The following SLC25A26 variants were observed in gnomAD, a reference collection of about 807,000 sequenced individuals.
SLC25A26 encodes the protein solute carrier family 25 member 26.
A neutral mutation model predicts 37.8 loss-of-function variants in SLC25A26; 36 were observed. That is an observed-to-expected ratio of 0.95 (90% CI 0.73 to 1.26). The LOEUF (loss-of-function observed/expected upper bound fraction) is 1.26, where lower values mean the gene tolerates loss of function less well. Ranked by LOEUF, SLC25A26 falls within the 50% of genes most tolerant of loss-of-function variation. SLC25A26 has a pLI of 0.00. For synonymous variants in SLC25A26, 129 were observed against 122.5 expected (o/e 1.05, Z -0.35); for missense variants, 390 against 331.1 (o/e 1.18, Z -1.38).
At chr3:66,374,272 TTGTGTC>T (rs1405024530) in intron 9 of SLC25A26, among the ~76,000 whole-genome samples, 3 of 152,228 alleles carry the variant, frequency 2.0e-5, no homozygotes, top group Admixed American at 6.5e-5. Context: ...CATGATGACT[TTGTGTC>T]TGTGTCACAT....
At chr3:66,168,711 T>C (rs1343792823) in intron 1 of SLC25A26, among the ~76,000 whole-genome samples, 4 of 152,196 alleles carry the variant, frequency 2.6e-5, no homozygotes, top group Admixed American at 6.5e-5. Context: ...GATGGGTGCA[T>C]GTAAGCTTCC....
At chr3:66,308,262 A>T (rs988655631) in intron 5 of SLC25A26, among the ~76,000 whole-genome samples, 26 of 152,084 alleles carry the variant, frequency 1.7e-4, no homozygotes, top group South Asian at 4.1e-4. Flanking sequence ...TCTTTGTAGC[A>T]GTTGTGAATG....
At position 66,175,109 on chromosome 3, in the gene SLC25A26, GTA is replaced by G. The variant is rs769631849; in HGVS notation, c.-354+41156_-354+41157del. On this transcript the variant is annotated intron_variant, in intron 1 of 10. Coordinates refer to the SLC25A26 transcript ENST00000676754. ...TATATGTATATGTATATGTGTGTGT[GTA>G]TATATATATATATATATATATATAT... Among the ~76,000 whole-genome samples, 480 of 97,286 alleles carry G rather than the reference GTA, an allele frequency of 4.9e-3. 4 individuals are homozygous for G. The highest frequency in any genetic ancestry group is 0.021 in the East Asian group (67 of 3,266). 63.8% of individuals were successfully genotyped at this position (97,286 alleles called of 152,430 possible).
In SLC25A26 at chr3:66,339,531, C is replaced by T. The variant is rs139187790; in HGVS notation, c.454-6833C>T. Among the ~76,000 whole-genome samples, 24 of 152,028 alleles carry T rather than the reference C, an allele frequency of 1.6e-4. No individual in the cohort carries two copies. The East Asian group carries it at 1.9e-3, about 12-fold the overall frequency. On this transcript the variant is annotated intron_variant, in intron 5 of 9. Transcript: ENST00000354883. The stretch of plus-strand genomic sequence containing the variant: ...GGGTTTCATTTTTTTCATATCCTTG[C>T]CAGCACTTGTTATTTTCTGTTTTTG...
intron 5 of SLC25A26, among the ~76,000 whole-genome samples, chr3:66,309,890 G>T (rs1254961004): frequency 6.6e-6 from 1 of 152,046 alleles, no homozygotes; most frequent in Admixed American, 6.6e-5. Flanking sequence ...CCATTATTTT[G>T]CATTTGCTGA....
intron 1 of SLC25A26, among the ~76,000 whole-genome samples, chr3:66,151,520 C>T (rs547127983): frequency 1.3e-5 from 2 of 152,248 alleles, no homozygotes; most frequent in African/African-American, 4.8e-5. Flanking sequence ...TAATGTGTTA[C>T]ACAGCCTGAC....
intron 1 of SLC25A26, among the ~76,000 whole-genome samples, chr3:66,205,768 A>G (rs1463568027): frequency 1.3e-5 from 2 of 152,294 alleles, no homozygotes; most frequent in East Asian, 3.9e-4. Context: ...ATATCTAGCC[A>G]TGGGCCAACA....
intron 1 of SLC25A26, among the ~76,000 whole-genome samples, chr3:66,182,199 G>A (rs891580718): frequency 1.3e-5 from 2 of 152,162 alleles, no homozygotes; most frequent in African/African-American, 2.4e-5. Flanking sequence ...GAGGTGAGAA[G>A]AGACCTGAAA....
At chr3:66,197,388 A>C (rs1041333936) in intron 1 of SLC25A26, among the ~76,000 whole-genome samples, 1 of 152,152 alleles carries the variant, frequency 6.6e-6, no homozygotes, top group Non-Finnish European at 1.5e-5. Flanking sequence ...AAGTTTCAAT[A>C]TAAGGATCAG....
chr3:66,329,042 G>A (rs1247564315), intron 5 of SLC25A26, among the ~76,000 whole-genome samples: 1 of 152,108 alleles, frequency 6.6e-6, no homozygotes, highest in East Asian at 1.9e-4. Flanking sequence ...CAGACAGCAC[G>A]TGGCACATTG....
chr3:66,150,758 C>A (rs1342110932), intron 1 of SLC25A26, among the ~76,000 whole-genome samples: 1 of 149,162 alleles, frequency 6.7e-6, no homozygotes, highest in African/African-American at 2.5e-5. Flanking sequence ...ACTGGCTGGA[C>A]ATTAGAAGTA....
chr3:66,344,701 C>T (rs1435941974), intron 5 of SLC25A26, among the ~76,000 whole-genome samples: 3 of 152,226 alleles, frequency 2.0e-5, no homozygotes, highest in African/African-American at 7.2e-5. Flanking sequence ...TGTGACTGGA[C>T]ATTACTTCAG....
chr3:66,258,173 G>A (rs897815294), intron 3 of SLC25A26, among the ~76,000 whole-genome samples: 1 of 152,188 alleles, frequency 6.6e-6, no homozygotes, highest in African/African-American at 2.4e-5. Flanking sequence ...GGGTGGCCAT[G>A]TCACACAACT....
At chr3:66,172,405 G>A (rs1422371100) in intron 1 of SLC25A26, among the ~76,000 whole-genome samples, 1 of 26,782 alleles carries the variant, frequency 3.7e-5, no homozygotes, top group Non-Finnish European at 7.6e-5. Flanking sequence ...AGTGATACCT[G>A]TAAAGAAAAA....
At chr3:66,239,749 A>G (rs958456105) in intron 2 of SLC25A26, among the ~76,000 whole-genome samples, 2 of 151,918 alleles carry the variant, frequency 1.3e-5, no homozygotes, top group South Asian at 4.2e-4. Context: ...GGTACTTTGC[A>G]GGAAGTGTGA....
At chr3:66,194,240 C>T (rs2071000247) in intron 1 of SLC25A26, among the ~76,000 whole-genome samples, 1 of 152,144 alleles carries the variant, frequency 6.6e-6, no homozygotes, top group African/African-American at 2.4e-5. Flanking sequence ...ATATGTTTTG[C>T]TCATTGTGTA....
intron 1 of SLC25A26, among the ~76,000 whole-genome samples, chr3:66,136,225 C>T (rs1576588431): frequency 6.6e-6 from 1 of 152,118 alleles, no homozygotes; most frequent in Non-Finnish European, 1.5e-5. Context: ...TGGACTTCTC[C>T]TTTGAATGAA....
intron 1 of SLC25A26, among the ~76,000 whole-genome samples, chr3:66,165,763 C>T (rs900909675): frequency 1.3e-5 from 2 of 152,072 alleles, no homozygotes; most frequent in African/African-American, 4.8e-5. Flanking sequence ...TATAATTTGC[C>T]TTTTCCCCCC....
At chr3:66,278,806 A>C (rs1277683196) in intron 5 of SLC25A26, among the ~76,000 whole-genome samples, 1 of 152,182 alleles carries the variant, frequency 6.6e-6, no homozygotes, top group Non-Finnish European at 1.5e-5. Flanking sequence ...TTCTGGAAAG[A>C]CTTCTCTCAA....
Sources: allele counts gnomAD v4.1 joint callset (sites outside exome capture counted in the v4.1 genomes callset), GRCh38; gene constraint gnomAD v4.1.1; transcripts MANE v1.5; gene names NCBI Gene and HGNC (gene_info 2026-07-23, HGNC 2026-07-21).